SPTLC3: variants seen among roughly 807,000 people sequenced by gnomAD.
The protein encoded by SPTLC3 is serine palmitoyltransferase long chain base subunit 3, also known as serine palmitoyltransferase 3.
SPTLC3 carries 36 observed loss-of-function variants against 59.3 expected under a neutral mutation model. The ratio of observed to expected loss-of-function variants is 0.61; its 90% CI spans 0.47 to 0.80. The LOEUF is 0.80. Among genes scored for constraint, SPTLC3 ranks in the 30% least tolerant of loss-of-function variants. The pLI is 0.00. For synonymous variants in SPTLC3, 257 were observed against 240.8 expected (o/e 1.07, Z -0.62); for missense variants, 625 against 685.1 (o/e 0.91, Z 0.98).
intron 9 of SPTLC3, among the ~76,000 whole-genome samples, chr20:13,152,592 C>G: frequency 6.6e-6 from 1 of 152,178 alleles, no homozygotes; most frequent in East Asian, 1.9e-4. Context: ...TGATAATTAT[C>G]CCATGCTTAG....
At chr20:13,069,517 C>A (rs545418455) in intron 2 of SPTLC3, among the ~76,000 whole-genome samples, 4 of 152,134 alleles carry the variant, frequency 2.6e-5, no homozygotes, top group Non-Finnish European at 5.9e-5. Context: ...CCCTCGCATG[C>A]GCAGTTCACA....
chr20:13,085,434 T>G (rs1382513913), intron 4 of SPTLC3, among the ~76,000 whole-genome samples: 1 of 152,066 alleles, frequency 6.6e-6, no homozygotes, highest in African/African-American at 2.4e-5. Context: ...GTGGCACAGA[T>G]GTGAACTCAT....
chr20:13,154,261 G>C, intron 10 of SPTLC3, 123 bp downstream of exon 10: 12 of 1,282,520 alleles, frequency 9.4e-6, no homozygotes, highest in Non-Finnish European at 1.2e-5. Context: ...TCACTCGTAC[G>C]GCTTCTCGGA....
chr20:13,018,854 G>T (rs1483486880), intron 1 of SPTLC3, among the ~76,000 whole-genome samples: 1 of 152,236 alleles, frequency 6.6e-6, no homozygotes, highest in Middle Eastern at 3.4e-3. Context: ...GAATTCTAAG[G>T]TATTACAATC....
chr20:13,055,995 T>C (rs1054266920), intron 2 of SPTLC3, among the ~76,000 whole-genome samples: 8 of 152,182 alleles, frequency 5.3e-5, no homozygotes, highest in African/African-American at 1.9e-4. Context: ...CCAGGGATCT[T>C]GGTGGAGGAA....
At chr20:13,040,123 T>C (rs150881121) in intron 1 of SPTLC3, among the ~76,000 whole-genome samples, 95 of 152,008 alleles carry the variant, frequency 6.2e-4, no homozygotes, top group African/African-American at 2.2e-3. Context: ...ATCAACTTTC[T>C]TATTTATCTT....
chr20:13,159,970 C>T, intron 10 of SPTLC3, 33 bp from the exon 11 acceptor site: 5 of 1,163,922 alleles, frequency 4.3e-6, no homozygotes, highest in South Asian at 1.7e-5. Context: ...CAACTAACCA[C>T]TTTTTTTTTT....
At chr20:13,159,788 C>T (rs530050546) in intron 10 of SPTLC3, among the ~76,000 whole-genome samples, 9 of 152,056 alleles carry the variant, frequency 5.9e-5, no homozygotes, top group Non-Finnish European at 7.4e-5. Context: ...ACCACACACA[C>T]ACCATCATGA....
chr20:13,026,546 T>C (rs1986154341), intron 1 of SPTLC3, among the ~76,000 whole-genome samples: 1 of 152,184 alleles, frequency 6.6e-6, no homozygotes, highest in African/African-American at 2.4e-5. Flanking sequence ...TCTGTTCGTG[T>C]CCTCGGCCTG....
chr20:13,113,680 G>T (rs1042934039), intron 7 of SPTLC3, among the ~76,000 whole-genome samples: 9 of 152,190 alleles, frequency 5.9e-5, no homozygotes, highest in African/African-American at 1.9e-4. Context: ...GGGTACTTTG[G>T]TAATAATAAA....
chr20:13,161,080 G>A (rs527679067), intron 11 of SPTLC3, among the ~76,000 whole-genome samples: 39 of 152,274 alleles, frequency 2.6e-4, no homozygotes, highest in Non-Finnish European at 4.6e-4. Context: ...CAAGGCTAAT[G>A]GTAGTGGAAA....
At chr20:13,139,060 G>T in intron 9 of SPTLC3, among the ~76,000 whole-genome samples, 1 of 152,272 alleles carries the variant, frequency 6.6e-6, no homozygotes, top group Admixed American at 6.5e-5. Flanking sequence ...GGAGGGTAGC[G>T]TGATTCTTAA....
intron 6 of SPTLC3, among the ~76,000 whole-genome samples, chr20:13,103,273 G>A (rs1480678318): frequency 6.6e-6 from 1 of 152,174 alleles, no homozygotes; most frequent in East Asian, 1.9e-4. Context: ...AAAAAAGGGG[G>A]ACAGTCCTCC....
intron 9 of SPTLC3, chr20:13,133,132 G>C (rs767014767): frequency 6.6e-6 from 1 of 151,856 alleles, no homozygotes; most frequent in East Asian, 1.9e-4. Context: ...TTTTCTATTT[G>C]TTCTTCCTCT....
chr20:13,116,698 CAGTT>C (rs978380774), intron 7 of SPTLC3, among the ~76,000 whole-genome samples: 9 of 152,108 alleles, frequency 5.9e-5, no homozygotes, highest in African/African-American at 1.4e-4. Flanking sequence ...AAAAATAAAA[CAGTT>C]AGGGCTAAAA....
At chr20:13,125,861 C>T (rs564190268) in intron 8 of SPTLC3, among the ~76,000 whole-genome samples, 43 of 152,320 alleles carry the variant, frequency 2.8e-4, no homozygotes, top group African/African-American at 1.0e-3. Flanking sequence ...CAGATTAATC[C>T]GCCTTTTGAT....
intron 1 of SPTLC3, among the ~76,000 whole-genome samples, chr20:13,022,628 C>T (rs1191211703): frequency 6.6e-6 from 1 of 152,172 alleles, no homozygotes; most frequent in Admixed American, 6.5e-5. Flanking sequence ...CAAGCCAGGA[C>T]TGTGAACTGG....
At chr20:13,121,989 AGTTTT>A (rs1168743776) in intron 8 of SPTLC3, among the ~76,000 whole-genome samples, 1 of 152,184 alleles carries the variant, frequency 6.6e-6, no homozygotes, top group Non-Finnish European at 1.5e-5. Context: ...GATCAAAGGA[AGTTTT>A]GTTTTACTTC....
At chr20:13,118,552 T>C (rs776261131) in intron 8 of SPTLC3, among the ~76,000 whole-genome samples, 23 of 150,698 alleles carry the variant, frequency 1.5e-4, no homozygotes, top group Non-Finnish European at 2.8e-4. Context: ...GTTTGAGAGA[T>C]AAAGGAGCCA....
Sources: allele counts gnomAD v4.1 joint callset (sites outside exome capture counted in the v4.1 genomes callset), GRCh38; gene constraint gnomAD v4.1.1; transcripts MANE v1.5; gene names NCBI Gene and HGNC (gene_info 2026-07-23, HGNC 2026-07-21).